The following BICDL1 variants were observed in gnomAD, a reference collection of about 807,000 sequenced individuals.
BICDL1 encodes the protein BICD family-like cargo adapter 1.
BICDL1 carries 20 observed loss-of-function variants against 76.8 expected under a neutral mutation model. That is an observed-to-expected ratio of 0.26 (90% confidence interval 0.18 to 0.38). The LOEUF (loss-of-function observed/expected upper bound fraction) is 0.38. Ranked by LOEUF, BICDL1 falls within the 10% of genes least tolerant of loss-of-function variation. The probability of loss-of-function intolerance (pLI) is 1.00; values close to 1 mark genes in which losing one functional copy is unlikely to be tolerated. For missense variants in BICDL1, 700 were observed against 798.6 expected (o/e 0.88, Z 1.49); for synonymous variants, 383 against 337.1 (o/e 1.14, Z -1.49).
chr12:120,043,808 C>T (rs1015965972), intron 2 of BICDL1, among the ~76,000 whole-genome samples: 7 of 152,176 alleles, frequency 4.6e-5, no homozygotes, highest in South Asian at 2.1e-4. Flanking sequence ...TCATACAGTA[C>T]GCATTTGAAT....
intron 5 of BICDL1, among the ~76,000 whole-genome samples, chr12:120,072,094 T>G (rs1873152449): frequency 6.6e-6 from 1 of 152,254 alleles, no homozygotes; most frequent in African/African-American, 2.4e-5. Flanking sequence ...TAGGAAATGC[T>G]TGTGCCATCA....
At chr12:120,005,276 G>A (rs1036632764) in intron 2 of BICDL1, among the ~76,000 whole-genome samples, 2 of 152,178 alleles carry the variant, frequency 1.3e-5, no homozygotes, top group Non-Finnish European at 1.5e-5. Flanking sequence ...GAAAATACTA[G>A]CCATGGTTTG....
chr12:120,002,270 G>A (rs1319689038), intron 2 of BICDL1, among the ~76,000 whole-genome samples: 3 of 152,112 alleles, frequency 2.0e-5, no homozygotes, highest in Non-Finnish European at 4.4e-5. Flanking sequence ...TCTAAATAAG[G>A]TCACATTCTG....
intron 2 of BICDL1, among the ~76,000 whole-genome samples, chr12:120,059,991 G>C (rs1953069611): frequency 6.6e-6 from 1 of 152,206 alleles, no homozygotes; most frequent in Non-Finnish European, 1.5e-5. Flanking sequence ...GGGATTACAG[G>C]CATGAGCCAG....
intron 3 of BICDL1, among the ~76,000 whole-genome samples, chr12:120,064,402 TA>T (rs1383199859): frequency 2.6e-5 from 4 of 151,698 alleles, no homozygotes; most frequent in Admixed American, 2.0e-4. Flanking sequence ...AAGGATGGGG[TA>T]AAGTTGAGGG....
intron 2 of BICDL1, among the ~76,000 whole-genome samples, chr12:120,023,252 A>G (rs1452465448): frequency 6.6e-6 from 1 of 152,234 alleles, no homozygotes; most frequent in Non-Finnish European, 1.5e-5. Flanking sequence ...GTTTTAAGAA[A>G]GTTTATGAAT....
At chr12:120,001,747 C>A (rs761188514) in intron 2 of BICDL1, among the ~76,000 whole-genome samples, 2 of 152,044 alleles carry the variant, frequency 1.3e-5, no homozygotes, top group Non-Finnish European at 2.9e-5. Context: ...AACATTTACC[C>A]TTTAAAAGGG....
chr12:120,084,608 G>A (rs1049641708), intron 8 of BICDL1, among the ~76,000 whole-genome samples: 1 of 152,052 alleles, frequency 6.6e-6, no homozygotes, highest in Non-Finnish European at 1.5e-5. Flanking sequence ...TCATACTCAG[G>A]CCAGTTGCGG....
chr12:119,998,429 T>G (rs1304538525), intron 1 of BICDL1, 92 bp from the exon 2 acceptor site: 1 of 1,122,808 alleles, frequency 8.9e-7, no homozygotes, highest in Non-Finnish European at 1.2e-6. Context: ...GTCTACTGAC[T>G]AGGAAAAAGA....
intron 2 of BICDL1, among the ~76,000 whole-genome samples, chr12:120,022,651 C>CA (rs1435399124): frequency 1.3e-5 from 2 of 151,892 alleles, no homozygotes; most frequent in Non-Finnish European, 2.9e-5. Context: ...CTTATAAAAA[C>CA]ATACACAAAC....
At chr12:119,998,776 A>C (rs1378629088) in intron 2 of BICDL1, 40 bp downstream of exon 2, 13 of 1,567,792 alleles carry the variant, frequency 8.3e-6, no homozygotes, top group African/African-American at 1.4e-5. Context: ...AAAATACTAA[A>C]AGTTGAAATA....
At chr12:120,085,892 A>G (rs977775035) in intron 8 of BICDL1, among the ~76,000 whole-genome samples, 2 of 151,542 alleles carry the variant, frequency 1.3e-5, no homozygotes, top group African/African-American at 4.9e-5. Flanking sequence ...CATTAAGATC[A>G]TATTCTGTCA....
intron 7 of BICDL1, among the ~76,000 whole-genome samples, chr12:120,076,484 G>A (rs1013934920): frequency 4.6e-5 from 7 of 152,094 alleles, no homozygotes; most frequent in African/African-American, 1.7e-4. Flanking sequence ...GGATGCGGGG[G>A]GCATTGTTTT....
intron 2 of BICDL1, 146 bp downstream of exon 2, chr12:119,998,882 T>C (rs901502343): frequency 8.4e-6 from 6 of 713,150 alleles, no homozygotes; most frequent in Non-Finnish European, 1.4e-5. Context: ...CAGGGAGACC[T>C]CATCTCTACA....
At chr12:120,075,514 G>T (rs1428000861) in intron 7 of BICDL1, among the ~76,000 whole-genome samples, 1 of 151,750 alleles carries the variant, frequency 6.6e-6, no homozygotes, top group Non-Finnish European at 1.5e-5. Flanking sequence ...CACCTCAGCT[G>T]CCAAAGTAGC....
intron 7 of BICDL1, among the ~76,000 whole-genome samples, chr12:120,075,286 C>T (rs1873446372): frequency 6.6e-6 from 1 of 152,144 alleles, no homozygotes; most frequent in South Asian, 2.1e-4. Flanking sequence ...TTGCTCCTGC[C>T]CCTGTCCTTT....
At chr12:120,056,707 ACT>A (rs1952981090) in intron 2 of BICDL1, among the ~76,000 whole-genome samples, 1 of 151,416 alleles carries the variant, frequency 6.6e-6, no homozygotes, top group Non-Finnish European at 1.5e-5. Flanking sequence ...ACAGAGCGAG[ACT>A]CCGTCTCAAA....
rs1875145234 is a variant in BICDL1, at chr12:120,093,277, G to A, written c.*116G>A. 3.2e-6 allele frequency: 4 copies of A among 1,236,874 alleles called. No individual in the cohort carries two copies. The highest frequency in any genetic ancestry group is 4.5e-6 in the Non-Finnish European group (4 of 879,442). 76.6% of individuals were successfully genotyped at this position (1,236,874 alleles called of 1,614,324 possible). On this transcript the variant is annotated 3_prime_UTR_variant, in exon 10 of 10. Transcript: ENST00000548673. Reference sequence around the variant, plus strand: ...GCAGCTGCCCTGCCCCTCATGCTAGGGCCCCATGGGTCCGGGAGGGCCTGC... The same window carrying A: ...GCAGCTGCCCTGCCCCTCATGCTAGAGCCCCATGGGTCCGGGAGGGCCTGC...
At chr12:120,014,840 TAAA>T (rs1566216430) in intron 2 of BICDL1, among the ~76,000 whole-genome samples, 1 of 151,268 alleles carries the variant, frequency 6.6e-6, no homozygotes, top group Non-Finnish European at 1.5e-5. Context: ...AAAAAAAAAT[TAAA>T]AAATAAAAAA....
Sources: allele counts gnomAD v4.1 joint callset (sites outside exome capture counted in the v4.1 genomes callset), GRCh38; gene constraint gnomAD v4.1.1; transcripts MANE v1.5; gene names NCBI Gene and HGNC (gene_info 2026-07-23, HGNC 2026-07-21).